PTBP2: variants seen among roughly 807,000 people sequenced by gnomAD.
PTBP2 encodes the protein polypyrimidine tract binding protein 2, also known as polypyrimidine tract-binding protein 2.
PTBP2 carries 13 observed loss-of-function variants against 61.4 expected under a neutral mutation model. The ratio of observed to expected loss-of-function variants is 0.21; its 90% CI spans 0.14 to 0.34. The LOEUF (loss-of-function observed/expected upper bound fraction) is 0.34, where lower values mean the gene tolerates loss of function less well. PTBP2 is among the 10% of genes least tolerant of loss of function. The pLI, the probability that PTBP2 is intolerant of heterozygous loss-of-function variation, is 1.00. For synonymous variants in PTBP2, 215 were observed against 218.5 expected (o/e 0.98, Z 0.14); for missense variants, 405 against 642.6 (o/e 0.63, Z 4.00).
At position 96,743,208 on chromosome 1, in the gene PTBP2, A is replaced by AC. The variant is rs1653285989; in HGVS notation, c.40-8214dup. ...AGGCTGAGGCAGGAGAATGGTGTGA[A>AC]CCCGGGAGGCGGAGCTTGCAGTGGC... On this transcript the variant is annotated intron_variant, in intron 2 of 13. Coordinates refer to ENST00000674951, the MANE Select transcript of PTBP2 (RefSeq NM_021190.4). Among the ~76,000 whole-genome samples, 10 of 151,198 alleles carry AC rather than the reference A, an allele frequency of 6.6e-5. No homozygotes were observed. The South Asian group carries it at 2.1e-3, about 32-fold the overall frequency.
At chr1:96,749,792 T>C (rs1654308563) in intron 2 of PTBP2, 1 of 372,094 alleles carries the variant, frequency 2.7e-6, no homozygotes, top group African/African-American at 2.1e-5. Flanking sequence ...CTTTGCCTGG[T>C]AATCACTGTT....
chr1:96,761,602 T>A (rs946074214), intron 3 of PTBP2, among the ~76,000 whole-genome samples: 3 of 152,034 alleles, frequency 2.0e-5, no homozygotes, highest in African/African-American at 7.2e-5. Flanking sequence ...TTTGGAATAA[T>A]ATTAAAGAGT....
At chr1:96,749,275 CAA>C (rs1198015102) in intron 2 of PTBP2, among the ~76,000 whole-genome samples, 2 of 152,048 alleles carry the variant, frequency 1.3e-5, no homozygotes, top group Non-Finnish European at 2.9e-5. Flanking sequence ...ACTGCAATCA[CAA>C]GTTTTACAGT....
chr1:96,731,737 A>C (rs1011410504), intron 2 of PTBP2, among the ~76,000 whole-genome samples: 3 of 152,084 alleles, frequency 2.0e-5, no homozygotes, highest in Non-Finnish European at 2.9e-5. Flanking sequence ...TTGTTAGCTC[A>C]GTGAGACTAT....
intron 5 of PTBP2, among the ~76,000 whole-genome samples, chr1:96,772,780 T>G (rs918973836): frequency 1.3e-5 from 2 of 152,122 alleles, no homozygotes; most frequent in African/African-American, 4.8e-5. Context: ...TGCAAGTACA[T>G]TCTCATTTTA....
downstream of PTBP2, chr1:96,819,014 G>T (rs899452940): frequency 2.0e-5 from 3 of 151,974 alleles, no homozygotes; most frequent in Non-Finnish European, 4.4e-5. Flanking sequence ...GCTTATAATA[G>T]AAATCAGTAT....
intron 8 of PTBP2, among the ~76,000 whole-genome samples, chr1:96,792,465 G>A (rs1289299383): frequency 6.6e-6 from 1 of 152,104 alleles, no homozygotes; most frequent in African/African-American, 2.4e-5. Context: ...CCGTACTCCT[G>A]ACTAATAAAT....
intron 3 of PTBP2, among the ~76,000 whole-genome samples, chr1:96,761,641 A>T (rs1553178349): frequency 6.6e-6 from 1 of 152,192 alleles, no homozygotes; most frequent in Non-Finnish European, 1.5e-5. Flanking sequence ...GGTTGGTAGA[A>T]GATGATGCCA....
intron 2 of PTBP2, among the ~76,000 whole-genome samples, chr1:96,731,046 T>C (rs1410171140): frequency 6.6e-6 from 1 of 152,188 alleles, no homozygotes; most frequent in Admixed American, 6.5e-5. Flanking sequence ...TCAGCAGTTG[T>C]AGATCTACCT....
chr1:96,797,993 G>A (rs896846220), intron 8 of PTBP2, among the ~76,000 whole-genome samples: 2 of 150,780 alleles, frequency 1.3e-5, no homozygotes, highest in East Asian at 4.0e-4. Context: ...GGAGAAAGGC[G>A]TGAACCCGGG....
intron 2 of PTBP2, among the ~76,000 whole-genome samples, chr1:96,733,290 CT>C (rs1307030808): frequency 6.6e-6 from 1 of 152,096 alleles, no homozygotes; most frequent in Non-Finnish European, 1.5e-5. Flanking sequence ...TTACAGGGAC[CT>C]TGTGATTACA....
intron 7 of PTBP2, among the ~76,000 whole-genome samples, chr1:96,778,413 T>A (rs1570916289): frequency 6.6e-6 from 1 of 151,842 alleles, no homozygotes; most frequent in Non-Finnish European, 1.5e-5. Flanking sequence ...TATGAATAGG[T>A]TTCTAGTCAC....
rs369053938 is a variant in PTBP2, at chr1:96,734,903, CTTTTTTT to C, written c.39+11322_39+11328del. ...CTCAATAATTGTCTCCTTTTTTTTT[CTTTTTTT>C]TTTTTTTTTTTTCCTGCTTTTTGAG... On this transcript the variant is annotated intron_variant, in intron 2 of 13. Transcript: ENST00000674951. Among the ~76,000 whole-genome samples the C allele has an allele frequency of 5.6e-5, 7 of 124,964 alleles. No individual in the cohort carries two copies. The East Asian group carries it at 9.0e-4, about 16-fold the overall frequency. The allele number at this position is 124,964 out of a possible 152,430, so 82.0% of individuals were successfully genotyped here. A position where few individuals can be genotyped will look rare whatever the true frequency, so the allele number is the denominator to read the frequency against.
intron 8 of PTBP2, among the ~76,000 whole-genome samples, chr1:96,798,204 A>G (rs1660589109): frequency 6.6e-6 from 1 of 152,010 alleles, no homozygotes; most frequent in African/African-American, 2.4e-5. Flanking sequence ...TCATGAGTTC[A>G]AAACCAGCCT....
intron 2 of PTBP2, among the ~76,000 whole-genome samples, chr1:96,750,523 A>C (rs1335035668): frequency 6.6e-6 from 1 of 152,064 alleles, no homozygotes; most frequent in Non-Finnish European, 1.5e-5. Flanking sequence ...TATGAGTTTA[A>C]ATACAAATTA....
intron 11 of PTBP2, among the ~76,000 whole-genome samples, chr1:96,808,499 A>T (rs1247854354): frequency 6.6e-6 from 1 of 152,030 alleles, no homozygotes; most frequent in Non-Finnish European, 1.5e-5. Flanking sequence ...ACCACATTTA[A>T]CCTTAATTAC....
At chr1:96,742,374 G>A (rs1653151626) in intron 2 of PTBP2, among the ~76,000 whole-genome samples, 1 of 152,170 alleles carries the variant, frequency 6.6e-6, no homozygotes, top group Admixed American at 6.5e-5. Flanking sequence ...GGTTTATTGA[G>A]TACGTTCCTA....
At chr1:96,745,194 G>T (rs1224857804) in intron 2 of PTBP2, among the ~76,000 whole-genome samples, 3 of 148,728 alleles carry the variant, frequency 2.0e-5, no homozygotes, top group Non-Finnish European at 4.4e-5. Flanking sequence ...TTAGAGTCTT[G>T]CTCTGATACC....
intron 1 of PTBP2, among the ~76,000 whole-genome samples, chr1:96,722,960 A>G (rs1343157408): frequency 6.6e-6 from 1 of 152,246 alleles, no homozygotes; most frequent in Non-Finnish European, 1.5e-5. Context: ...AGTATCATTT[A>G]ACAAGTACAT....
Sources: gnomAD v4.1 joint callset for allele counts (sites outside exome capture counted in the v4.1 genomes callset) on GRCh38, gnomAD v4.1.1 for gene constraint, MANE v1.5 for transcripts, NCBI Gene and HGNC (gene_info 2026-07-23, HGNC 2026-07-21) for gene names.